The following CRISPLD2 variants were observed in gnomAD, a reference collection of about 807,000 sequenced individuals.
The protein encoded by CRISPLD2 is cysteine-rich secretory protein LCCL domain-containing 2.
CRISPLD2 carries 47 observed loss-of-function variants against 71.1 expected under a neutral mutation model. The observed-to-expected ratio is 0.66, with a 90% CI of 0.52 to 0.84. The LOEUF is 0.84. Among genes scored for constraint, CRISPLD2 ranks in the 40% least tolerant of loss-of-function variants. The pLI is 0.00. For missense variants in CRISPLD2, 830 were observed against 651.1 expected, an observed-to-expected ratio of 1.27 and a Z score of -2.99; for synonymous variants, 317 against 250.1, an observed-to-expected ratio of 1.27 and a Z score of -2.52.
chr16:84,837,619 G>A (rs536400492), intron 1 of CRISPLD2, among the ~76,000 whole-genome samples: 11 of 151,902 alleles, frequency 7.2e-5, no homozygotes, highest in South Asian at 2.1e-4. Context: ...GGGTTTCATC[G>A]TGTTAGCCAG....
chr16:84,866,867 T>G, intron 6 of CRISPLD2, 30 bp from the exon 7 acceptor site: 1 of 1,601,040 alleles, frequency 6.2e-7, no homozygotes, highest in African/African-American at 1.3e-5. Context: ...CCCAGTGTGT[T>G]ATTTTTTTTC....
intron 2 of CRISPLD2, among the ~76,000 whole-genome samples, chr16:84,841,645 G>T (rs1019111205): frequency 1.3e-5 from 2 of 152,020 alleles, no homozygotes; most frequent in Non-Finnish European, 2.9e-5. Flanking sequence ...CCCCAGGCTG[G>T]AGTGCAGTGG....
chr16:84,832,035 G>C (rs547211072), intron 1 of CRISPLD2, among the ~76,000 whole-genome samples: 2 of 152,166 alleles, frequency 1.3e-5, no homozygotes, highest in African/African-American at 4.8e-5. Flanking sequence ...ATGTCCAGCC[G>C]GATTTTTAAA....
At chr16:84,881,715 A>T (rs1369329466) in intron 13 of CRISPLD2, among the ~76,000 whole-genome samples, 1 of 152,048 alleles carries the variant, frequency 6.6e-6, no homozygotes, top group African/African-American at 2.4e-5. Context: ...GGCTCGAGCG[A>T]TCCTCCCTCC....
intron 6 of CRISPLD2, among the ~76,000 whole-genome samples, chr16:84,857,505 A>C (rs1312110602): frequency 6.6e-6 from 1 of 152,186 alleles, no homozygotes; most frequent in Admixed American, 6.5e-5. Context: ...GCTACAGCCC[A>C]TGAATCAGTA....
chr16:84,831,848 C>T (rs1482146223), intron 1 of CRISPLD2, among the ~76,000 whole-genome samples: 1 of 152,178 alleles, frequency 6.6e-6, no homozygotes, highest in Non-Finnish European at 1.5e-5. Flanking sequence ...GATTTTCCTG[C>T]CTCAGCCTCC....
intron 8 of CRISPLD2, among the ~76,000 whole-genome samples, chr16:84,870,191 TAAC>T (rs2071455287): frequency 6.6e-6 from 1 of 152,118 alleles, no homozygotes; most frequent in African/African-American, 2.4e-5. Context: ...AGGAAAGCAA[TAAC>T]AACAACAAAA....
intron 2 of CRISPLD2, among the ~76,000 whole-genome samples, chr16:84,842,419 G>C (rs1396982139): frequency 6.9e-6 from 1 of 144,284 alleles, no homozygotes; most frequent in Non-Finnish European, 1.5e-5. Flanking sequence ...CTGTCGCCTA[G>C]GCTGGAGTGC....
intron 2 of CRISPLD2, 25 bp from the exon 3 acceptor site, chr16:84,845,761 G>C (rs779123090): frequency 6.6e-7 from 1 of 1,524,620 alleles, no homozygotes. Context: ...TCACCTCCTG[G>C]TGCCCGTTTC....
intron 13 of CRISPLD2, among the ~76,000 whole-genome samples, chr16:84,888,304 C>T (rs1488554475): frequency 1.3e-5 from 2 of 152,190 alleles, no homozygotes; most frequent in Non-Finnish European, 2.9e-5. Context: ...GAGGCCAAGG[C>T]GGGAGGATTG....
intron 1 of CRISPLD2, 25 bp from the exon 2 acceptor site, chr16:84,838,397 C>G: frequency 6.8e-7 from 1 of 1,470,792 alleles, no homozygotes; most frequent in Non-Finnish European, 9.2e-7. Flanking sequence ...TGCGACTTCT[C>G]CCACCACCCT....
At chr16:84,896,215 A>G (rs1344990263) in intron 14 of CRISPLD2, among the ~76,000 whole-genome samples, 1 of 151,488 alleles carries the variant, frequency 6.6e-6, no homozygotes, top group East Asian at 1.9e-4. Flanking sequence ...TTTTTTTCAT[A>G]TATATATATG....
At chr16:84,835,044 G>T (rs1004809252) in intron 1 of CRISPLD2, among the ~76,000 whole-genome samples, 7 of 152,206 alleles carry the variant, frequency 4.6e-5, no homozygotes, top group Middle Eastern at 3.4e-3. Flanking sequence ...ACTGGGCTCT[G>T]GGGGTACAAA....
intron 14 of CRISPLD2, among the ~76,000 whole-genome samples, chr16:84,890,540 A>G (rs1396696601): frequency 3.3e-5 from 5 of 151,984 alleles, no homozygotes; most frequent in Non-Finnish European, 7.4e-5. Flanking sequence ...CATCCCAGGG[A>G]GCAGATCCTC....
chr16:84,854,773 G>C lies in CRISPLD2; in HGVS notation c.653G>C (p.Cys218Ser), dbSNP rs1330991007. The C allele has an allele frequency of 1.2e-6, 2 of 1,614,196 alleles. No homozygotes were observed. Among genetic ancestry groups the C allele is most frequent in the Admixed American group, 3.3e-5 (2 of 60,030 alleles). ...GEAPYKNGRP[C>S]SECPPSYGGS... ...GCCCCCTACAAGAATGGCCGGCCCT[G>C]CTCTGAGTGCCCACCCAGCTATGGA... Residue 218 changes from cysteine to serine, a missense_variant, in exon 6 of 15, where the codon TGC becomes TCC. By Grantham distance (112) the Cys-to-Ser change is moderately radical (BLOSUM62 -1). Transcript: ENST00000262424.
intron 12 of CRISPLD2, among the ~76,000 whole-genome samples, chr16:84,880,049 G>A (rs892119936): frequency 2.6e-5 from 4 of 151,994 alleles, no homozygotes; most frequent in South Asian, 2.1e-4. Context: ...CAGTGCCCCC[G>A]CCTTGGAATA....
At chr16:84,892,335 T>A (rs1160911460) in intron 14 of CRISPLD2, among the ~76,000 whole-genome samples, 1 of 152,226 alleles carries the variant, frequency 6.6e-6, no homozygotes, top group Non-Finnish European at 1.5e-5. Context: ...ACAGCTGCCG[T>A]TCTAAGAGTC....
At chr16:84,841,471 A>T (rs1468591493) in intron 2 of CRISPLD2, among the ~76,000 whole-genome samples, 4 of 152,028 alleles carry the variant, frequency 2.6e-5, no homozygotes, top group Non-Finnish European at 5.9e-5. Flanking sequence ...CAGGGCTTTG[A>T]GGCTAGGTGA....
At chr16:84,823,036 T>C (rs1250569443) in intron 1 of CRISPLD2, among the ~76,000 whole-genome samples, 1 of 152,214 alleles carries the variant, frequency 6.6e-6, no homozygotes, top group Non-Finnish European at 1.5e-5. Context: ...TCTCCTCCCT[T>C]CAGCCGCTCA....
Sources: allele counts gnomAD v4.1 joint callset (sites outside exome capture counted in the v4.1 genomes callset), GRCh38; gene constraint gnomAD v4.1.1; transcripts MANE v1.5; gene names NCBI Gene and HGNC (gene_info 2026-07-23, HGNC 2026-07-21).